Variants in OLFM4 observed in about 807,000 individuals in gnomAD.
OLFM4 encodes the protein olfactomedin-4.
In OLFM4, 22 loss-of-function variants were observed where a neutral mutation model predicts 25.5. The ratio of observed to expected loss-of-function variants is 0.86; its 90% CI spans 0.62 to 1.23. The LOEUF is 1.23. OLFM4 is among the 50% of genes most tolerant of loss of function. The pLI is 0.00. For synonymous variants in OLFM4, 255 were observed against 237.7 expected (o/e 1.07, Z -0.67); for missense variants, 594 against 619.4 (o/e 0.96, Z 0.44).
intron 2 of OLFM4, among the ~76,000 whole-genome samples, chr13:53,039,982 G>T (rs1954679124): frequency 6.6e-6 from 1 of 152,204 alleles, no homozygotes; most frequent in Non-Finnish European, 1.5e-5. Context: ...ATTGCTTTTG[G>T]TATAAGAAGG....
At position 53,034,397 on chromosome 13, in the gene OLFM4, G is replaced by C; in HGVS notation, c.254G>C (p.Cys85Ser). Residue 85 changes from cysteine (C) to serine (S), a missense_variant, in exon 2 of 5, where the codon TGC (cysteine) becomes TCC (serine). Physicochemically the swap from Cys to Ser is moderately radical, Grantham distance 112. Transcript: ENST00000219022. ...GSVDDRGTCQ[C>S]SVSLPDTTFP... ...GTGGATGACCGTGGGACCTGCCAGT[G>C]CTCTGTTTCCCTGCCAGACACCACC... 6.2e-7 allele frequency: 1 copy of C among 1,614,118 alleles called. No individual in the cohort carries two copies. Among genetic ancestry groups the C allele is most frequent in the Non-Finnish European group, 8.5e-7 (1 of 1,180,014 alleles).
At chr13:53,044,555 T>C (rs1345101156) in intron 4 of OLFM4, among the ~76,000 whole-genome samples, 1 of 152,194 alleles carries the variant, frequency 6.6e-6, no homozygotes, top group East Asian at 1.9e-4. Flanking sequence ...GTGGATTTTT[T>C]TCCTCCCTCT....
intron 4 of OLFM4, among the ~76,000 whole-genome samples, chr13:53,048,226 A>G (rs1414140327): frequency 6.6e-6 from 1 of 152,194 alleles, no homozygotes; most frequent in Non-Finnish European, 1.5e-5. Flanking sequence ...TTTATTTATT[A>G]TTTCTTCAGT....
In OLFM4 at chr13:53,043,197, CA is replaced by C; in HGVS notation, c.665del (p.Lys222SerfsTer2). 2 of 1,613,472 alleles carry C rather than the reference CA, an allele frequency of 1.2e-6. No homozygotes were observed. The highest frequency in any genetic ancestry group is 1.7e-6 in the Non-Finnish European group (2 of 1,179,700). ...IRREIVALKT[K>X]LKECEASKDQ... ...GCCGAGAAATCGTGGCTCTGAAGACCAAGCTGAAAGAGTGTGAGGCCTCTAA... is the reference window on the plus strand; with the variant it reads ...GCCGAGAAATCGTGGCTCTGAAGACCAGCTGAAAGAGTGTGAGGCCTCTAA... On this transcript the variant is annotated frameshift_variant, in exon 4 of 5. Coordinates refer to ENST00000219022, the MANE Select transcript of OLFM4 (RefSeq NM_006418.5). LOFTEE classifies it high-confidence loss of function.
Position 53,050,254 on chromosome 13 carries a change from A to T in OLFM4, c.1016A>T (p.Tyr339Phe). 1 of 1,614,094 alleles carries T rather than the reference A, an allele frequency of 6.2e-7. No homozygotes were observed. Among genetic ancestry groups the T allele is most frequent in the Non-Finnish European group, 8.5e-7 (1 of 1,179,960 alleles). The change falls in exon 5 of 5, where the codon TAC becomes TTC. Residue 339 changes from tyrosine to phenylalanine, a missense_variant. Tyr to Phe is a conservative substitution (Grantham distance 22, BLOSUM62 3). Transcript: ENST00000219022. ...SGTAVYNNNMYVNMYNTGNIA... is the reference protein window; with the variant it reads ...SGTAVYNNNMFVNMYNTGNIA... Reference sequence around the variant, plus strand: ...ACAGCAGTTTACAACAACAACATGTACGTCAACATGTACAACACCGGGAAT... The same window carrying T: ...ACAGCAGTTTACAACAACAACATGTTCGTCAACATGTACAACACCGGGAAT...
intron 4 of OLFM4, among the ~76,000 whole-genome samples, chr13:53,047,674 C>A (rs944434488): frequency 6.6e-6 from 1 of 151,936 alleles, no homozygotes. Context: ...AAATGATGAG[C>A]CACTATTACT....
At chr13:53,037,854 C>A (rs1393128569) in intron 2 of OLFM4, among the ~76,000 whole-genome samples, 1 of 152,210 alleles carries the variant, frequency 6.6e-6, no homozygotes, top group Non-Finnish European at 1.5e-5. Context: ...TTTTGAGAGA[C>A]TGGCAGAAAC....
chr13:53,033,799 G>A (rs1046399958), intron 1 of OLFM4, among the ~76,000 whole-genome samples: 2 of 152,178 alleles, frequency 1.3e-5, no homozygotes, highest in Middle Eastern at 6.8e-3. Flanking sequence ...GGTGGCTCAC[G>A]CCTGTAATCC....
At chr13:53,041,510 A>G (rs952136040) in intron 2 of OLFM4, among the ~76,000 whole-genome samples, 26 of 152,170 alleles carry the variant, frequency 1.7e-4, no homozygotes, top group African/African-American at 6.0e-4. Context: ...CAACAAAAAA[A>G]TCTATTGGGT....
intron 1 of OLFM4, among the ~76,000 whole-genome samples, chr13:53,032,022 A>G (rs1954631733): frequency 6.6e-6 from 1 of 152,230 alleles, no homozygotes; most frequent in African/African-American, 2.4e-5. Context: ...GATCAAACTT[A>G]TGGACCATTT....
chr13:53,035,774 G>GT lies in OLFM4; in HGVS notation c.357+1281dup, dbSNP rs1243592688. Among the ~76,000 whole-genome samples, 3 of 152,224 alleles carry GT rather than the reference G, an allele frequency of 2.0e-5. No homozygotes were observed. The South Asian group carries it at 6.2e-4, about 32-fold the overall frequency. ...AACACTGACTTGAACTCTGATTACT[G>GT]TTTTTTTCTTTAGCCAGAGGAAGTT... is the stretch of plus-strand genomic sequence containing the variant. On this transcript the variant is annotated intron_variant, in intron 2 of 4. Transcript: ENST00000219022.
At chr13:53,034,056 C>CAA (rs397851637) in intron 1 of OLFM4, among the ~76,000 whole-genome samples, 1,608 of 40,150 alleles carry the variant, frequency 0.04, 171 homozygotes, top group African/African-American at 0.097. Context: ...GACTCCGTCT[C>CAA]AAAAAAAAAA....
intron 1 of OLFM4, among the ~76,000 whole-genome samples, chr13:53,031,996 T>A (rs1318814370): frequency 6.6e-6 from 1 of 152,218 alleles, no homozygotes; most frequent in Non-Finnish European, 1.5e-5. Flanking sequence ...CAGAAATATC[T>A]CTAATGGGAG....
Position 53,050,211 on chromosome 13 carries a change from T to G in OLFM4, c.973T>G (p.Tyr325Asp), listed in dbSNP as rs766304140. The change falls in exon 5 of 5, where the codon TAT (tyrosine) becomes GAT (aspartate). Residue 325 changes from tyrosine (Y) to aspartate (D), a missense_variant. Coordinates refer to ENST00000219022, the MANE Select transcript of OLFM4 (RefSeq NM_006418.5). ...AAATGCTCGAGAGTTGCGGATCACC[T>G]ATGGCCAAGGTAGTGGTACAGCAGT... is the stretch of plus-strand genomic sequence containing the variant. ...YINARELRITYGQGSGTAVYN... is the reference protein window; with the variant it reads ...YINARELRITDGQGSGTAVYN... The G allele has an allele frequency of 3.1e-6, 5 of 1,614,076 alleles. No homozygotes were observed. Among genetic ancestry groups the G allele is most frequent in the Non-Finnish European group, 1.7e-6 (2 of 1,179,954 alleles).
intron 4 of OLFM4, among the ~76,000 whole-genome samples, chr13:53,049,666 T>C (rs1942288226): frequency 6.6e-6 from 1 of 152,236 alleles, no homozygotes; most frequent in African/African-American, 2.4e-5. Flanking sequence ...CCCTTTCCTC[T>C]CTCTGGGCCT....
intron 4 of OLFM4, among the ~76,000 whole-genome samples, chr13:53,045,395 T>C (rs938808290): frequency 2.0e-5 from 3 of 152,202 alleles, no homozygotes; most frequent in Non-Finnish European, 4.4e-5. Flanking sequence ...CTTCCAGCTT[T>C]GTTCATATTA....
intron 3 of OLFM4, 113 bp downstream of exon 3, chr13:53,042,235 T>G (rs1566318537): frequency 3.4e-6 from 3 of 882,182 alleles, no homozygotes; most frequent in Non-Finnish European, 5.4e-6. Context: ...AATTCTCTAC[T>G]GTCTCATGGC....
At chr13:53,031,605 G>A (rs902343591) in intron 1 of OLFM4, among the ~76,000 whole-genome samples, 5 of 152,170 alleles carry the variant, frequency 3.3e-5, no homozygotes, top group Non-Finnish European at 5.9e-5. Flanking sequence ...GAACTGCAAC[G>A]AGTCACGTGT....
chr13:53,047,223 C>A (rs917792368), intron 4 of OLFM4, among the ~76,000 whole-genome samples: 3 of 152,136 alleles, frequency 2.0e-5, no homozygotes, highest in Non-Finnish European at 1.5e-5. Flanking sequence ...TGAAGTATGT[C>A]TAAGACCTTG....
Sources: allele counts gnomAD v4.1 joint callset (sites outside exome capture counted in the v4.1 genomes callset), GRCh38; gene constraint gnomAD v4.1.1; transcripts MANE v1.5; gene names NCBI Gene and HGNC (gene_info 2026-07-23, HGNC 2026-07-21).